The following ASIC2 variants were observed in gnomAD, a reference collection of about 807,000 sequenced individuals.
The protein encoded by ASIC2 is acid sensing ion channel subunit 2, also known as acid-sensing ion channel 2.
A neutral mutation model predicts 57.3 loss-of-function variants in ASIC2; 25 were observed. The observed-to-expected ratio is 0.44, with a 90% CI of 0.32 to 0.61. ASIC2 has a LOEUF of 0.61. Ranked by LOEUF, ASIC2 falls within the 20% of genes least tolerant of loss-of-function variation. ASIC2 has a pLI of 0.06. For missense variants in ASIC2, 641 were observed against 738.1 expected (o/e 0.87, Z 1.52); for synonymous variants, 319 against 307.5 (o/e 1.04, Z -0.39).
intron 1 of ASIC2, among the ~76,000 whole-genome samples, chr17:34,062,873 A>T (rs1007660672): frequency 1.3e-5 from 2 of 152,156 alleles, no homozygotes; most frequent in African/African-American, 4.8e-5. Context: ...TGAAGTGGTA[A>T]TTAAAAAATT....
At chr17:33,140,987 G>A (rs1205031641) in intron 1 of ASIC2, among the ~76,000 whole-genome samples, 3 of 152,274 alleles carry the variant, frequency 2.0e-5, no homozygotes, top group African/African-American at 7.2e-5. Flanking sequence ...CCTGAGCAGA[G>A]CAACACAGTG....
At chr17:34,024,031 C>G (rs547478058) in intron 1 of ASIC2, among the ~76,000 whole-genome samples, 2 of 152,196 alleles carry the variant, frequency 1.3e-5, no homozygotes, top group Non-Finnish European at 2.9e-5. Context: ...GGAAACTAAT[C>G]AAGTCATGGA....
intron 1 of ASIC2, among the ~76,000 whole-genome samples, chr17:33,561,217 A>C (rs1049438864): frequency 6.6e-6 from 1 of 152,192 alleles, no homozygotes; most frequent in African/African-American, 2.4e-5. Context: ...TTATGGATAT[A>C]TGTATGCATA....
intron 1 of ASIC2, among the ~76,000 whole-genome samples, chr17:33,525,519 C>T (rs1914862142): frequency 6.6e-6 from 1 of 152,334 alleles, no homozygotes; most frequent in Middle Eastern, 3.4e-3. Context: ...TTAGTCCAAC[C>T]TGGTGTAATT....
At chr17:33,752,677 T>C (rs1456017843) in intron 1 of ASIC2, among the ~76,000 whole-genome samples, 1 of 152,202 alleles carries the variant, frequency 6.6e-6, no homozygotes, top group African/African-American at 2.4e-5. Flanking sequence ...TCTACATAGA[T>C]GGCAGATAAG....
chr17:34,061,476 G>C (rs1432468131), intron 1 of ASIC2, among the ~76,000 whole-genome samples: 4 of 152,022 alleles, frequency 2.6e-5, no homozygotes, highest in Non-Finnish European at 2.9e-5. Flanking sequence ...TACAACCAAA[G>C]TACACAGGCA....
chr17:34,113,662 G>C (rs958292474), intron 1 of ASIC2, among the ~76,000 whole-genome samples: 1 of 151,804 alleles, frequency 6.6e-6, no homozygotes, highest in African/African-American at 2.4e-5. Context: ...AGGATCGCTT[G>C]AGCTCAGGAG....
intron 1 of ASIC2, among the ~76,000 whole-genome samples, chr17:33,566,180 T>C (rs1050469138): frequency 2.6e-5 from 4 of 152,224 alleles, no homozygotes; most frequent in African/African-American, 9.7e-5. Context: ...AAGTACAGAA[T>C]AGATGGGAGT....
At chr17:33,340,727 G>A (rs766465516) in intron 1 of ASIC2, among the ~76,000 whole-genome samples, 6 of 152,122 alleles carry the variant, frequency 3.9e-5, no homozygotes, top group South Asian at 2.1e-4. Flanking sequence ...ATCATCAAAC[G>A]GGCTCTGTAT....
At chr17:33,733,372 C>A (rs1314186609) in intron 1 of ASIC2, among the ~76,000 whole-genome samples, 1 of 152,148 alleles carries the variant, frequency 6.6e-6, no homozygotes, top group Non-Finnish European at 1.5e-5. Flanking sequence ...TGTTGATAAC[C>A]AATCAACCTT....
At chr17:33,123,625 T>G (rs989008297) in intron 1 of ASIC2, among the ~76,000 whole-genome samples, 1 of 152,190 alleles carries the variant, frequency 6.6e-6, no homozygotes, top group African/African-American at 2.4e-5. Flanking sequence ...TCTGGAACGT[T>G]TCTTGGGCAT....
chr17:34,143,777 G>T (rs1233303847), intron 1 of ASIC2, among the ~76,000 whole-genome samples: 1 of 152,158 alleles, frequency 6.6e-6, no homozygotes, highest in Non-Finnish European at 1.5e-5. Flanking sequence ...CATATCACAA[G>T]CACCATGTCT....
At chr17:33,111,542 A>G (rs750584968) in intron 2 of ASIC2, among the ~76,000 whole-genome samples, 5 of 152,052 alleles carry the variant, frequency 3.3e-5, no homozygotes, top group Non-Finnish European at 5.9e-5. Flanking sequence ...CAGATCTTCT[A>G]ATTGGGTCGG....
intron 1 of ASIC2, among the ~76,000 whole-genome samples, chr17:33,173,461 C>T (rs990784921): frequency 3.3e-5 from 5 of 152,076 alleles, no homozygotes; most frequent in African/African-American, 4.8e-5. Flanking sequence ...CCTTGGGGAT[C>T]GGTGAAGGCA....
intron 1 of ASIC2, among the ~76,000 whole-genome samples, chr17:33,319,413 C>A (rs1465101166): frequency 6.6e-6 from 1 of 152,146 alleles, no homozygotes; most frequent in African/African-American, 2.4e-5. Flanking sequence ...GACAACCACA[C>A]CCTAGGACAG....
At chr17:34,099,103 AG>A in intron 1 of ASIC2, among the ~76,000 whole-genome samples, 1 of 16,352 alleles carries the variant, frequency 6.1e-5, no homozygotes, top group Non-Finnish European at 1.3e-4. Context: ...AAGAGAGAAA[AG>A]AGAGAGAGAG....
intron 1 of ASIC2, among the ~76,000 whole-genome samples, chr17:33,753,348 T>G (rs989261946): frequency 6.6e-6 from 1 of 152,160 alleles, no homozygotes; most frequent in Non-Finnish European, 1.5e-5. Flanking sequence ...TGGGAGTCTT[T>G]TTGGCCAGTG....
chr17:34,070,360 C>G (rs1255985385), intron 1 of ASIC2: 1 of 152,008 alleles, frequency 6.6e-6, no homozygotes, highest in Non-Finnish European at 1.5e-5. Context: ...TGCTTGAGAC[C>G]TTCAAAACTT....
chr17:33,658,264 C>T (rs751502555), intron 1 of ASIC2, among the ~76,000 whole-genome samples: 5 of 152,298 alleles, frequency 3.3e-5, no homozygotes, highest in South Asian at 2.1e-4. Context: ...ATCAGAAGGC[C>T]GGATGATCTT....
Sources: gnomAD v4.1 joint callset for allele counts (sites outside exome capture counted in the v4.1 genomes callset) on GRCh38, gnomAD v4.1.1 for gene constraint, MANE v1.5 for transcripts, NCBI Gene and HGNC (gene_info 2026-07-23, HGNC 2026-07-21) for gene names.